The following NUDT21 variants were observed in gnomAD, a reference collection of about 807,000 sequenced individuals.
NUDT21 encodes nudix hydrolase 21, also known as cleavage and polyadenylation specificity factor subunit 5.
In NUDT21, 5 loss-of-function variants were observed where a neutral mutation model predicts 29.8. The ratio of observed to expected loss-of-function variants is 0.17; its 90% confidence interval spans 0.09 to 0.35. NUDT21 has a LOEUF of 0.35. NUDT21 is among the 10% of genes least tolerant of loss of function. NUDT21 has a pLI of 1.00. For synonymous variants in NUDT21, 113 were observed against 98.5 expected (o/e 1.15, Z -0.87); for missense variants, 76 against 276.0 (o/e 0.28, Z 5.13).
rs112420900 is a variant in NUDT21, at chr16:56,440,888, G to A, written c.382-1142C>T. Among the ~76,000 whole-genome samples, 385 of 152,074 alleles carry A rather than the reference G, an allele frequency of 2.5e-3. 3 individuals carry two copies. The highest frequency in any genetic ancestry group is 8.6e-3 in the African/African-American group (355 of 41,482). On this transcript the variant is annotated intron_variant, in intron 3 of 6. Transcript: ENST00000300291. ...GGAGTAGGTGGGATTACAGGCACAT[G>A]CTACCATGCCCAGCTAATTTTTTGT... is the stretch of plus-strand genomic sequence containing the variant.
intron 4 of NUDT21, 30 bp from the exon 5 acceptor site, chr16:56,434,859 A>AGT: frequency 6.4e-6 from 8 of 1,240,766 alleles, no homozygotes; most frequent in Non-Finnish European, 8.3e-6. Context: ...CAACTTTAAT[A>AGT]TGTATTCCAT....
intron 5 of NUDT21, 108 bp from the exon 6 acceptor site, chr16:56,434,553 A>C: frequency 1.3e-6 from 1 of 794,736 alleles, no homozygotes; most frequent in Non-Finnish European, 2.1e-6. Context: ...GAAAAAAGAT[A>C]ATTCTCATTA....
At chr16:56,435,659 G>T (rs1189547633) in intron 4 of NUDT21, among the ~76,000 whole-genome samples, 2 of 141,284 alleles carry the variant, frequency 1.4e-5, no homozygotes, top group East Asian at 4.2e-4. Context: ...CTGGGAGGCA[G>T]AGCTTGCAGT....
intron 1 of NUDT21, among the ~76,000 whole-genome samples, chr16:56,450,114 C>A (rs1290525368): frequency 6.6e-6 from 1 of 152,144 alleles, no homozygotes; most frequent in African/African-American, 2.4e-5. Context: ...AACTGCCTTA[C>A]GAAAACATCA....
chr16:56,436,814 C>A (rs1011795008), intron 4 of NUDT21, among the ~76,000 whole-genome samples: 1 of 151,436 alleles, frequency 6.6e-6, no homozygotes, highest in South Asian at 2.1e-4. Flanking sequence ...CTAACTAATA[C>A]TCTAGGCTTC....
intron 1 of NUDT21, 44 bp from the exon 2 acceptor site, chr16:56,448,033 T>TA: frequency 6.5e-7 from 1 of 1,530,448 alleles, no homozygotes; most frequent in East Asian, 2.2e-5. Context: ...CTGAAGAATG[T>TA]AATTTACCAT....
intron 1 of NUDT21, among the ~76,000 whole-genome samples, chr16:56,448,478 T>C (rs1366126062): frequency 6.6e-6 from 1 of 152,232 alleles, no homozygotes; most frequent in Non-Finnish European, 1.5e-5. Flanking sequence ...CTCAGTCAAC[T>C]ATCCTCAGAT....
At chr16:56,448,538 C>T (rs1017097211) in intron 1 of NUDT21, among the ~76,000 whole-genome samples, 5 of 152,184 alleles carry the variant, frequency 3.3e-5, no homozygotes, top group Admixed American at 2.6e-4. Context: ...TCTACTTTCT[C>T]TTTTTGTCCT....
chr16:56,448,802 T>A (rs1235378705), intron 1 of NUDT21, among the ~76,000 whole-genome samples: 3 of 152,170 alleles, frequency 2.0e-5, no homozygotes, highest in African/African-American at 7.2e-5. Flanking sequence ...GCAAGAAGCC[T>A]TTGAGTACGA....
chr16:56,448,943 A>C (rs1222052915), intron 1 of NUDT21, among the ~76,000 whole-genome samples: 2 of 152,234 alleles, frequency 1.3e-5, no homozygotes, highest in Non-Finnish European at 2.9e-5. Flanking sequence ...CCAAAACTTT[A>C]AAAATTACTT....
At position 56,439,551 on chromosome 16, in the gene NUDT21, A is replaced by G. The variant is rs1352600606; in HGVS notation, c.471+106T>C. 6 of 800,426 alleles carry G rather than the reference A, an allele frequency of 7.5e-6. No individual in the cohort carries two copies. The Admixed American group carries it at 1.3e-4, about 17-fold the overall frequency. The allele number at this position is 800,426 out of a possible 1,614,324, so 49.6% of individuals were successfully genotyped here. ...TTGTAATTTAAATTAAGGAGGGAAG[A>G]AAAGAAAATTTCAAGTCAAATTCTA... is the stretch of plus-strand genomic sequence containing the variant. On this transcript the variant is annotated intron_variant, in intron 4 of 6. Coordinates refer to ENST00000300291, the MANE Select transcript of NUDT21 (RefSeq NM_007006.3).
chr16:56,451,040 A>G (rs780583956), intron 1 of NUDT21, 47 bp downstream of exon 1: 5 of 1,521,364 alleles, frequency 3.3e-6, no homozygotes, highest in Non-Finnish European at 4.6e-6. Context: ...GAGAGTCTAT[A>G]GGAGCTTTCA....
intron 1 of NUDT21, 36 bp from the exon 2 acceptor site, chr16:56,448,025 G>A (rs1404187492): frequency 1.3e-6 from 2 of 1,562,932 alleles, no homozygotes; most frequent in African/African-American, 2.7e-5. Flanking sequence ...CATGAGAACT[G>A]AAGAATGTAA....
rs1962032612 is a variant in NUDT21 at position 56,431,448 on chromosome 16, G to C, written c.*1264C>G. 1 of 152,164 alleles carries C rather than the reference G, an allele frequency of 6.6e-6. No homozygotes were observed. The highest frequency in any genetic ancestry group is 1.5e-5 in the Non-Finnish European group (1 of 68,016). The allele number at this position is 152,164 out of a possible 1,614,324, so 9.4% of individuals were successfully genotyped here. A position where few individuals can be genotyped will look rare whatever the true frequency, so the allele number is the denominator to read the frequency against. ...TTAATTGCTCAGCTACACTTGGCCTGATTTCCTCAAGTATCATATACCTTT... is the reference window on the plus strand; with the variant it reads ...TTAATTGCTCAGCTACACTTGGCCTCATTTCCTCAAGTATCATATACCTTT... On this transcript the variant is annotated 3_prime_UTR_variant, in exon 7 of 7. Coordinates refer to ENST00000300291, the MANE Select transcript of NUDT21 (RefSeq NM_007006.3).
At chr16:56,434,215 CTT>C (rs1962068201) in intron 6 of NUDT21, 114 bp downstream of exon 6, 1 of 686,608 alleles carries the variant, frequency 1.5e-6, no homozygotes. Context: ...AGTCTATCTA[CTT>C]TCTTAGTTTC....
Position 56,429,725 on chromosome 16 carries a change from A to T in NUDT21, c.*2987T>A, listed in dbSNP as rs1489809594. On this transcript the variant is annotated 3_prime_UTR_variant, in exon 7 of 7. Transcript: ENST00000300291. ...CTGACTTATACTACAGTCAACAACCACTAAGCCTTCTTTGGCAATGAAACA... is the reference window on the plus strand; with the variant it reads ...CTGACTTATACTACAGTCAACAACCTCTAAGCCTTCTTTGGCAATGAAACA... 3 of 152,236 alleles carry T rather than the reference A, an allele frequency of 2.0e-5. No homozygotes were observed. The highest frequency in any genetic ancestry group is 1.5e-5 in the Non-Finnish European group (1 of 68,044). The allele number at this position is 152,236 out of a possible 1,614,324, so 9.4% of individuals were successfully genotyped here.
At chr16:56,439,886 T>C (rs1473113122) in intron 3 of NUDT21, 140 bp from the exon 4 acceptor site, 3 of 701,952 alleles carry the variant, frequency 4.3e-6, no homozygotes, top group Non-Finnish European at 7.6e-6. Context: ...TTCTATGATT[T>C]GTTAATATAG....
At chr16:56,436,700 C>T (rs1962107649) in intron 4 of NUDT21, among the ~76,000 whole-genome samples, 1 of 152,206 alleles carries the variant, frequency 6.6e-6, no homozygotes, top group Non-Finnish European at 1.5e-5. Flanking sequence ...CTACATGTTC[C>T]TATTTTTTTA....
At chr16:56,432,757 C>G in intron 6 of NUDT21, 24 bp from the exon 7 acceptor site, 1 of 1,559,668 alleles carries the variant, frequency 6.4e-7, no homozygotes, top group Non-Finnish European at 8.8e-7. Context: ...AGAACAATAC[C>G]TTTATTAAAG....
Sources: allele counts gnomAD v4.1 joint callset (sites outside exome capture counted in the v4.1 genomes callset), GRCh38; gene constraint gnomAD v4.1.1; transcripts MANE v1.5; gene names NCBI Gene and HGNC (gene_info 2026-07-23, HGNC 2026-07-21).